The following PDE7B variants were observed in gnomAD, a reference collection of about 807,000 sequenced individuals.
PDE7B encodes phosphodiesterase 7B.
A neutral mutation model predicts 56.2 loss-of-function variants in PDE7B; 29 were observed. The observed-to-expected ratio is 0.52, with a 90% CI of 0.38 to 0.70. PDE7B has a LOEUF of 0.70. Among genes scored for constraint, PDE7B ranks in the 30% least tolerant of loss-of-function variants. The pLI is 0.00. For missense variants in PDE7B, 490 were observed against 565.0 expected (o/e 0.87, Z 1.35); for synonymous variants, 197 against 196.9 (o/e 1.00, Z 0.00).
In PDE7B at chr6:136,005,650, A is replaced by G. The variant is rs569368402; in HGVS notation, c.82+58126A>G. On this transcript the variant is annotated intron_variant, in intron 2 of 12. Transcript: ENST00000308191. ...CAGAGAAATGCAAATCAAAACCACA[A>G]TGAGATACTGTCTCACACCAGTTAG... Among the ~76,000 whole-genome samples the G allele has an allele frequency of 8.5e-5, 13 of 152,298 alleles. No individual in the cohort carries two copies. In the South Asian group the frequency reaches 1.9e-3, roughly 22 times the overall value.
intron 1 of PDE7B, among the ~76,000 whole-genome samples, chr6:135,892,036 G>C (rs1286835069): frequency 6.6e-6 from 1 of 152,092 alleles, no homozygotes; most frequent in East Asian, 1.9e-4. Flanking sequence ...ATATGGATTT[G>C]AATTGATTTT....
At chr6:136,128,075 A>G (rs1778051037) in intron 3 of PDE7B, among the ~76,000 whole-genome samples, 2 of 152,164 alleles carry the variant, frequency 1.3e-5, no homozygotes, top group South Asian at 4.1e-4. Flanking sequence ...GTCATTACTG[A>G]GAGGGGTGTT....
chr6:136,009,966 C>T (rs1032414549), intron 2 of PDE7B, among the ~76,000 whole-genome samples: 25 of 152,208 alleles, frequency 1.6e-4, no homozygotes, highest in African/African-American at 5.5e-4. Flanking sequence ...GCTCTGATTT[C>T]GATTACTTGT....
At chr6:136,055,646 A>G (rs1776716424) in intron 2 of PDE7B, among the ~76,000 whole-genome samples, 1 of 152,222 alleles carries the variant, frequency 6.6e-6, no homozygotes, top group African/African-American at 2.4e-5. Context: ...TAAATATTAC[A>G]CTGAAAGCAG....
chr6:135,990,766 G>A (rs1188981138), intron 2 of PDE7B, among the ~76,000 whole-genome samples: 1 of 152,208 alleles, frequency 6.6e-6, no homozygotes, highest in Non-Finnish European at 1.5e-5. Context: ...TCCCAATCCA[G>A]ACCCCAAGAG....
intron 2 of PDE7B, among the ~76,000 whole-genome samples, chr6:135,990,628 T>G (rs1305080824): frequency 6.6e-6 from 1 of 152,200 alleles, no homozygotes; most frequent in Non-Finnish European, 1.5e-5. Context: ...GGAGATATAT[T>G]GTGCAACATG....
At position 136,037,713 on chromosome 6, in the gene PDE7B, GA is replaced by G. The variant is rs1776347434; in HGVS notation, c.83-71017del. 4.1e-6 allele frequency: 4 copies of G among 985,338 alleles called. No individual in the cohort carries two copies. The South Asian group carries it at 1.4e-4, about 35-fold the overall frequency. 61.0% of individuals were successfully genotyped at this position (985,338 alleles called of 1,614,324 possible). A position where few individuals can be genotyped will look rare whatever the true frequency, so the allele number is the denominator to read the frequency against. On this transcript the variant is annotated intron_variant, in intron 2 of 12. Coordinates refer to ENST00000308191, the MANE Select transcript of PDE7B (RefSeq NM_018945.4). ...AGATAACTGGCCTCCAGCAAGGGGG[GA>G]GCCCCTCTGTGAGGTTAGCAAAGGG...
intron 2 of PDE7B, chr6:135,993,052 G>T (rs1775502441): frequency 1.3e-5 from 2 of 152,192 alleles, no homozygotes; most frequent in African/African-American, 4.8e-5. Context: ...ACGCCCAGTT[G>T]TTACCTTCTC....
chr6:135,981,000 C>T (rs1249334110), intron 2 of PDE7B, among the ~76,000 whole-genome samples: 5 of 149,124 alleles, frequency 3.4e-5, no homozygotes, highest in Non-Finnish European at 7.4e-5. Context: ...TTTATTGCGG[C>T]ATTATTCACA....
At chr6:136,154,694 T>A (rs540561411) in intron 7 of PDE7B, among the ~76,000 whole-genome samples, 2 of 152,218 alleles carry the variant, frequency 1.3e-5, no homozygotes, top group African/African-American at 2.4e-5. Context: ...CATGTTCTGA[T>A]GCAATAAACC....
chr6:135,947,568 C>T (rs370825251), intron 2 of PDE7B, 44 bp downstream of exon 2: 10 of 1,378,846 alleles, frequency 7.3e-6, no homozygotes, highest in African/African-American at 1.4e-5. Context: ...ATGTTGATGT[C>T]ATGTGGAGTT....
chr6:136,154,053 G>A, intron 6 of PDE7B, 22 bp from the exon 7 acceptor site: 1 of 1,554,576 alleles, frequency 6.4e-7, no homozygotes, highest in South Asian at 1.1e-5. Context: ...TTAGTTGATT[G>A]AGTTATCTGT....
chr6:136,117,636 G>A (rs1240935758), intron 3 of PDE7B, among the ~76,000 whole-genome samples: 2 of 152,150 alleles, frequency 1.3e-5, no homozygotes, highest in Non-Finnish European at 1.5e-5. Context: ...GAAGAAGGTG[G>A]CCAATGCCAC....
chr6:136,003,743 A>C (rs1194211222), intron 2 of PDE7B, among the ~76,000 whole-genome samples: 32 of 152,226 alleles, frequency 2.1e-4, no homozygotes, highest in Non-Finnish European at 2.9e-5. Context: ...CCAGGACCAG[A>C]TGGATTCACA....
chr6:135,872,975 A>T (rs1356065000), intron 1 of PDE7B, among the ~76,000 whole-genome samples: 2 of 152,144 alleles, frequency 1.3e-5, no homozygotes, highest in African/African-American at 4.8e-5. Context: ...TCAGCAGATT[A>T]AAACTATCTT....
At chr6:136,041,627 G>A (rs1776416511) in intron 2 of PDE7B, among the ~76,000 whole-genome samples, 1 of 152,232 alleles carries the variant, frequency 6.6e-6, no homozygotes, top group South Asian at 2.1e-4. Flanking sequence ...CCCCAAAGCT[G>A]GGCATTGGCC....
intron 2 of PDE7B, among the ~76,000 whole-genome samples, chr6:136,057,169 G>T (rs1346963752): frequency 6.6e-6 from 1 of 152,146 alleles, no homozygotes; most frequent in South Asian, 2.1e-4. Flanking sequence ...CATGCTAATG[G>T]TTATTATCCC....
intron 1 of PDE7B, among the ~76,000 whole-genome samples, chr6:135,879,153 G>A (rs961392007): frequency 4.6e-5 from 7 of 151,858 alleles, no homozygotes; most frequent in East Asian, 1.9e-4. Context: ...GTTATTGGAC[G>A]CCTCCCATGA....
intron 2 of PDE7B, among the ~76,000 whole-genome samples, chr6:136,087,638 C>T (rs1281992198): frequency 1.3e-5 from 2 of 152,170 alleles, no homozygotes; most frequent in East Asian, 1.9e-4. Flanking sequence ...GTAACTTCAT[C>T]CTCCTACTTT....
Sources: allele counts gnomAD v4.1 joint callset (sites outside exome capture counted in the v4.1 genomes callset), GRCh38; gene constraint gnomAD v4.1.1; transcripts MANE v1.5; gene names NCBI Gene and HGNC (gene_info 2026-07-23, HGNC 2026-07-21).